VCAN: variants seen among roughly 807,000 people sequenced by gnomAD.
VCAN encodes the protein versican.
In VCAN, 44 loss-of-function variants were observed where a neutral mutation model predicts 245.5. The observed-to-expected ratio is 0.18, with a 90% CI of 0.14 to 0.23. VCAN has a LOEUF of 0.23. Ranked by LOEUF, VCAN falls within the 10% of genes least tolerant of loss-of-function variation. The pLI is 1.00. For synonymous variants in VCAN, 1,413 were observed against 1,437.0 expected (o/e 0.98, Z 0.38); for missense variants, 3,793 against 4,057.9 (o/e 0.93, Z 1.77).
intron 5 of VCAN, among the ~76,000 whole-genome samples, chr5:83,502,432 A>G (rs1010296994): frequency 6.6e-6 from 1 of 152,236 alleles, no homozygotes; most frequent in Admixed American, 6.5e-5. Flanking sequence ...ACCTGAGGTC[A>G]TTCTGTGCCT....
At chr5:83,509,845 T>C (rs1249695613) in intron 5 of VCAN, among the ~76,000 whole-genome samples, 2 of 152,210 alleles carry the variant, frequency 1.3e-5, no homozygotes, top group Non-Finnish European at 2.9e-5. Context: ...CCAAGTCTAT[T>C]GTGAGATAAA....
At position 83,537,242 on chromosome 5, in the gene VCAN, G is replaced by A; in HGVS notation, c.4239G>A (p.Gly1413=). The A allele has an allele frequency of 1.9e-6, 3 of 1,613,870 alleles. No homozygotes were observed. Among genetic ancestry groups the A allele is most frequent in the Non-Finnish European group, 2.5e-6 (3 of 1,179,946 alleles). Reference sequence around the variant, plus strand: ...CCCCATCTGTGCAGTACATAAATGGGAAGCATCTCGTTACCACTGTGCCCA... The same window carrying A: ...CCCCATCTGTGCAGTACATAAATGGAAAGCATCTCGTTACCACTGTGCCCA... The part of the protein sequence containing the change: ...TTTPSVQYIN[G]KHLVTTVPKD... Residue 1413 remains glycine (G), a synonymous_variant, in exon 8 of 15, where the codon GGG becomes GGA. Coordinates refer to ENST00000265077, the MANE Select transcript of VCAN (RefSeq NM_004385.5).
chr5:83,539,977 G>C lies in VCAN; in HGVS notation c.6974G>C (p.Gly2325Ala). ...CAAACAGACATCTTTGAAGGTAGTGGGTCAGTAACCAGCACAACATTAATA... is the reference window on the plus strand; with the variant it reads ...CAAACAGACATCTTTGAAGGTAGTGCGTCAGTAACCAGCACAACATTAATA... ...VSQTDIFEGS[G>A]SVTSTTLIEI... The change falls in exon 8 of 15, where the codon GGG becomes GCG. Residue 2325 changes from glycine to alanine, a missense_variant. Coordinates refer to ENST00000265077, the MANE Select transcript of VCAN (RefSeq NM_004385.5). The C allele has an allele frequency of 6.2e-7, 1 of 1,614,036 alleles. No homozygotes were observed. The highest frequency in any genetic ancestry group is 1.7e-5 in the Admixed American group (1 of 59,992).
At chr5:83,498,134 T>G (rs1745217344) in intron 5 of VCAN, among the ~76,000 whole-genome samples, 1 of 152,158 alleles carries the variant, frequency 6.6e-6, no homozygotes, top group African/African-American at 2.4e-5. Flanking sequence ...AATTCTCTGT[T>G]TTTTTACACA....
Position 83,521,248 on chromosome 5 carries a change from C to G in VCAN, c.2942C>G (p.Thr981Arg). 6.2e-7 allele frequency: 1 copy of G among 1,614,102 alleles called. No individual in the cohort carries two copies. Among genetic ancestry groups the G allele is most frequent in the East Asian group, 2.2e-5 (1 of 44,884 alleles). ...ATTCCTCTTTCTGTAATTCCCAAGA[C>G]AGACTGGGGAGTGTTAGTACCTTCT... Reference protein sequence around the residue: ...HTIPLSVIPKTDWGVLVPSVP... With the variant: ...HTIPLSVIPKRDWGVLVPSVP... The change falls in exon 7 of 15, where the codon ACA (threonine) becomes AGA (arginine). Residue 981 changes from threonine (T) to arginine (R), a missense_variant. Thr to Arg is a moderately conservative substitution (Grantham distance 71). Transcript: ENST00000265077.
At chr5:83,555,605 T>C (rs1177349456) in intron 12 of VCAN, among the ~76,000 whole-genome samples, 2 of 152,228 alleles carry the variant, frequency 1.3e-5, no homozygotes, top group African/African-American at 4.8e-5. Flanking sequence ...TTGAGTAGAC[T>C]GTAATAGGTT....
At chr5:83,508,089 TC>T in intron 5 of VCAN, among the ~76,000 whole-genome samples, 1 of 152,314 alleles carries the variant, frequency 6.6e-6, no homozygotes, top group East Asian at 1.9e-4. Flanking sequence ...AGACACTTCA[TC>T]AGGGTTCCCT....
rs372962945 is a variant in VCAN, at chr5:83,512,209, G to A, written c.855G>A (p.Ala285=). ...TGGCAACAGTGGGGGAACTCCAGGCGGCATGGAGGAACGGCTTTGACCAGT... is the reference window on the plus strand; with the variant it reads ...TGGCAACAGTGGGGGAACTCCAGGCAGCATGGAGGAACGGCTTTGACCAGT... The part of the protein sequence containing the change: ...ARLATVGELQ[A]AWRNGFDQCD... Residue 285 remains alanine, a synonymous_variant, in exon 6 of 15, where the codon GCG becomes GCA. Transcript: ENST00000265077. 7 of 1,614,042 alleles carry A rather than the reference G, an allele frequency of 4.3e-6. No homozygotes were observed. Among genetic ancestry groups the A allele is most frequent in the African/African-American group, 2.7e-5 (2 of 74,898 alleles).
intron 1 of VCAN, among the ~76,000 whole-genome samples, chr5:83,477,951 CTTTTTTTTTTT>C (rs55842421): frequency 6.5e-5 from 9 of 139,074 alleles, no homozygotes; most frequent in Non-Finnish European, 1.4e-4. Context: ...TAATTTTTTT[CTTTTTTTTTTT>C]TTTTGAGATG....
chr5:83,515,027 C>T (rs540897851), intron 6 of VCAN, among the ~76,000 whole-genome samples: 63 of 152,246 alleles, frequency 4.1e-4, no homozygotes, highest in African/African-American at 1.5e-3. Context: ...AATGCCAAAT[C>T]GTACCTTGCT....
At chr5:83,577,232 G>C (rs529928498) in intron 13 of VCAN, among the ~76,000 whole-genome samples, 1 of 152,156 alleles carries the variant, frequency 6.6e-6, no homozygotes, top group South Asian at 2.1e-4. Flanking sequence ...CAATTTTATC[G>C]TGAGTTCCTC....
In VCAN at chr5:83,540,366, A is replaced by G; in HGVS notation, c.7363A>G (p.Ser2455Gly). 1 of 1,614,066 alleles carries G rather than the reference A, an allele frequency of 6.2e-7. No homozygotes were observed. The highest frequency in any genetic ancestry group is 8.5e-7 in the Non-Finnish European group (1 of 1,179,972). ...SATTQATRQE[S>G]STTFVSDGSL... ...AACTACTCAGGCAACCAGACAAGAA[A>G]GCAGCACCACATTTGTTTCTGATGG... Residue 2455 changes from serine (S) to glycine (G), a missense_variant, in exon 8 of 15, where the codon AGC becomes GGC. This residue lies in a region of VCAN where 3,182 missense variants were observed against 3,250.3 expected (regional missense o/e 0.98). Coordinates refer to ENST00000265077, the MANE Select transcript of VCAN (RefSeq NM_004385.5).
At chr5:83,505,559 A>G (rs1163247618) in intron 5 of VCAN, among the ~76,000 whole-genome samples, 2 of 152,184 alleles carry the variant, frequency 1.3e-5, no homozygotes, top group Non-Finnish European at 2.9e-5. Flanking sequence ...TTTGCAGGGT[A>G]CAGCCTCCCT....
intron 1 of VCAN, among the ~76,000 whole-genome samples, chr5:83,472,961 G>A (rs936640804): frequency 6.6e-6 from 1 of 152,200 alleles, no homozygotes; most frequent in African/African-American, 2.4e-5. Flanking sequence ...GGTGGCTCGG[G>A]GACCCGAATC....
intron 7 of VCAN, among the ~76,000 whole-genome samples, chr5:83,525,975 T>A (rs308361): frequency 0.25 from 38,496 of 151,730 alleles, 5,198 homozygotes; most frequent in East Asian, 0.4. Context: ...AGTCTTGCTC[T>A]GTTGCCCAGG....
At chr5:83,527,329 A>G (rs1746341363) in intron 7 of VCAN, among the ~76,000 whole-genome samples, 1 of 152,106 alleles carries the variant, frequency 6.6e-6, no homozygotes, top group Non-Finnish European at 1.5e-5. Flanking sequence ...CTGAAAGTGG[A>G]TGGGTCTGGT....
intron 5 of VCAN, among the ~76,000 whole-genome samples, chr5:83,509,449 A>G (rs1021293553): frequency 3.3e-5 from 5 of 152,218 alleles, no homozygotes; most frequent in African/African-American, 1.2e-4. Context: ...TTTCCTCATT[A>G]GCCCTTTGGT....
In VCAN at chr5:83,537,753, C is replaced by T. The variant is rs1414260638; in HGVS notation, c.4750C>T (p.Pro1584Ser). 1 of 1,613,876 alleles carries T rather than the reference C, an allele frequency of 6.2e-7. No homozygotes were observed. Among genetic ancestry groups the T allele is most frequent in the African/African-American group, 1.3e-5 (1 of 74,904 alleles). ...AAAAAGTACTTCTGTCACATACACT[C>T]CCACTATAGTTCCAAGTTCTGCATC... ...VEKSTSVTYT[P>S]TIVPSSASAY... Residue 1584 changes from proline (P) to serine (S), a missense_variant, in exon 8 of 15, where the codon CCC becomes TCC. Around this residue, in one of 5 missense-constraint regions of VCAN, gnomAD observed 3,182 missense variants for 3,250.3 expected, o/e 0.98. Transcript: ENST00000265077.
chr5:83,529,280 T>C (rs954967221), intron 7 of VCAN, among the ~76,000 whole-genome samples: 1 of 149,674 alleles, frequency 6.7e-6, no homozygotes, highest in African/African-American at 2.5e-5. Context: ...CAGGAGGCAC[T>C]CTGTATCCAC....
Sources: allele counts gnomAD v4.1 joint callset (sites outside exome capture counted in the v4.1 genomes callset), GRCh38; gene constraint gnomAD v4.1.1; regional missense constraint gnomAD v4.1.1; transcripts MANE v1.5; gene names NCBI Gene and HGNC (gene_info 2026-07-23, HGNC 2026-07-21).